LUZP2: variants seen among roughly 807,000 people sequenced by gnomAD.
LUZP2 encodes the protein leucine zipper protein 2.
In LUZP2, 52 loss-of-function variants were observed where a neutral mutation model predicts 51.6. That is an observed-to-expected ratio of 1.01 (90% confidence interval 0.81 to 1.27). The LOEUF is 1.27. Ranked by LOEUF, LUZP2 falls within the 50% of genes most tolerant of loss-of-function variation. The pLI is 0.00. For missense variants in LUZP2, 436 were observed against 395.4 expected, an observed-to-expected ratio of 1.10 and a Z score of -0.87; for synonymous variants, 154 against 137.3, an observed-to-expected ratio of 1.12 and a Z score of -0.85.
At chr11:24,546,002 C>T (rs773140743) in intron 1 of LUZP2, among the ~76,000 whole-genome samples, 17 of 151,828 alleles carry the variant, frequency 1.1e-4, no homozygotes, top group Admixed American at 3.3e-4. Flanking sequence ...TTTCACGTCC[C>T]TGGTTAGCTG....
intron 7 of LUZP2, among the ~76,000 whole-genome samples, chr11:24,919,602 A>G (rs1302135601): frequency 6.8e-6 from 1 of 146,272 alleles, no homozygotes; most frequent in Non-Finnish European, 1.5e-5. Flanking sequence ...TTTTAATTTT[A>G]TGTAGATATA....
At chr11:24,670,045 A>G (rs1200036785) in intron 1 of LUZP2, among the ~76,000 whole-genome samples, 3 of 152,116 alleles carry the variant, frequency 2.0e-5, no homozygotes, top group Admixed American at 6.6e-5. Context: ...TTTCCGATGA[A>G]TAACTTCAGG....
At chr11:24,661,939 AC>A (rs1285800493) in intron 1 of LUZP2, among the ~76,000 whole-genome samples, 1 of 152,122 alleles carries the variant, frequency 6.6e-6, no homozygotes, top group Non-Finnish European at 1.5e-5. Flanking sequence ...CTCAGAGAAA[AC>A]CTTAATTTAT....
chr11:24,671,876 G>C (rs1438720039), intron 1 of LUZP2, among the ~76,000 whole-genome samples: 1 of 151,822 alleles, frequency 6.6e-6, no homozygotes, highest in Non-Finnish European at 1.5e-5. Flanking sequence ...TTTTAATTTA[G>C]TTTTCAAAGT....
At chr11:24,923,807 A>G (rs1373286325) in intron 7 of LUZP2, among the ~76,000 whole-genome samples, 1 of 152,136 alleles carries the variant, frequency 6.6e-6, no homozygotes, top group Non-Finnish European at 1.5e-5. Context: ...AATGTAAATG[A>G]ATAGCTTATT....
intron 1 of LUZP2, among the ~76,000 whole-genome samples, chr11:24,590,029 A>G (rs769500993): frequency 2.0e-5 from 3 of 152,128 alleles, no homozygotes; most frequent in Admixed American, 1.3e-4. Flanking sequence ...TGCATTTAAA[A>G]TTGTTCTATT....
rs200192233 is a variant in LUZP2 at position 24,998,233 on chromosome 11, C to T, written c.765+14940C>T. ...GGCAGTATGGCCATTTTCACGATATCGATTCTTCCTACCCATGAGCATGGA... is the reference window on the plus strand; with the variant it reads ...GGCAGTATGGCCATTTTCACGATATTGATTCTTCCTACCCATGAGCATGGA... On this transcript the variant is annotated intron_variant, in intron 9 of 11. Coordinates refer to ENST00000336930, the MANE Select transcript of LUZP2 (RefSeq NM_001009909.4). Among the ~76,000 whole-genome samples, 1,056 of 152,096 alleles carry T rather than the reference C, an allele frequency of 6.9e-3. 29 individuals carry two copies. The East Asian group carries it at 0.092, about 13-fold the overall frequency.
At chr11:25,034,198 A>C (rs968332105) in intron 9 of LUZP2, among the ~76,000 whole-genome samples, 1 of 151,942 alleles carries the variant, frequency 6.6e-6, no homozygotes, top group African/African-American at 2.4e-5. Flanking sequence ...CATTTTTTTC[A>C]TATGTTTGTT....
chr11:24,849,759 C>T (rs778676937), intron 5 of LUZP2, among the ~76,000 whole-genome samples: 73 of 152,242 alleles, frequency 4.8e-4, no homozygotes, highest in Non-Finnish European at 8.2e-4. Context: ...AAAAGCGATC[C>T]TATTTCTCCA....
At chr11:24,849,162 G>A (rs2716524) in intron 5 of LUZP2, among the ~76,000 whole-genome samples, 23,070 of 151,972 alleles carry the variant, frequency 0.15, 1,913 homozygotes, top group African/African-American at 0.2. Context: ...TTAAGTTCTG[G>A]TATATATGTG....
chr11:24,861,367 TAGGAAATGTAAGGATGTAAGAATGTA>T (rs1398352986), intron 5 of LUZP2, among the ~76,000 whole-genome samples: 1 of 152,066 alleles, frequency 6.6e-6, no homozygotes, highest in African/African-American at 2.4e-5. Context: ...GTAAACAAGC[TAGGAAATGTAAGGATGTAAGAATGTA>T]AGGAAATGTA....
chr11:24,873,895 T>C (rs4922701), intron 5 of LUZP2, among the ~76,000 whole-genome samples: 62,070 of 152,016 alleles, frequency 0.41, 14,711 homozygotes, highest in East Asian at 0.65. Flanking sequence ...TTGTATAAAA[T>C]AGTAACTGTG....
rs1477892278 is a variant in LUZP2, at chr11:24,511,504, GAGATAGGGAC to G, written c.62+14213_62+14222del. On this transcript the variant is annotated intron_variant, in intron 1 of 11. Transcript: ENST00000336930. ...TTTACATCAGTTGGATATTTGCTAG[GAGATAGGGAC>G]AGATAGGGACAGAACTAGGGAATAG... Among the ~76,000 whole-genome samples the G allele has an allele frequency of 2.0e-5, 3 of 152,122 alleles. No individual in the cohort carries two copies. The East Asian group carries it at 5.8e-4, about 29-fold the overall frequency.
chr11:24,918,716 A>C (rs1434302973), intron 7 of LUZP2, among the ~76,000 whole-genome samples: 1 of 151,296 alleles, frequency 6.6e-6, no homozygotes, highest in South Asian at 2.1e-4. Context: ...GCCAAACTTA[A>C]AATCCCGTCA....
At chr11:24,847,340 C>T (rs117075844) in intron 5 of LUZP2, among the ~76,000 whole-genome samples, 3,228 of 152,134 alleles carry the variant, frequency 0.021, 61 homozygotes, top group Non-Finnish European at 0.028. Flanking sequence ...TAGTTTTCTT[C>T]GGTACTGAGT....
rs1407567566 is a variant in LUZP2, at chr11:24,611,607, C to T, written c.62+114302C>T. On this transcript the variant is annotated intron_variant, in intron 1 of 11. Transcript: ENST00000336930. This position sits in a 1 kb window ranked among gnomAD's most constrained non-coding sequence, Gnocchi z 4.6. ...GAAAGTAAAAATGGAACTTACGAGACTATGGAGATGGTTTTCTTCATCATA... is the reference window on the plus strand; with the variant it reads ...GAAAGTAAAAATGGAACTTACGAGATTATGGAGATGGTTTTCTTCATCATA... Among the ~76,000 whole-genome samples, 2 of 152,068 alleles carry T rather than the reference C, an allele frequency of 1.3e-5. No homozygotes were observed. The highest frequency in any genetic ancestry group is 6.6e-5 in the Admixed American group (1 of 15,244).
At chr11:24,897,426 C>T (rs552426897) in intron 5 of LUZP2, among the ~76,000 whole-genome samples, 1 of 152,302 alleles carries the variant, frequency 6.6e-6, no homozygotes, top group Admixed American at 6.5e-5. Context: ...TTGCGAAGGT[C>T]CACAGCTTAA....
At chr11:24,556,218 G>C (rs992403134) in intron 1 of LUZP2, among the ~76,000 whole-genome samples, 4 of 152,094 alleles carry the variant, frequency 2.6e-5, no homozygotes, top group African/African-American at 9.7e-5. Flanking sequence ...GGGAAATAAT[G>C]CTTCATTGTA....
At chr11:24,607,341 C>A (rs1417774437) in intron 1 of LUZP2, among the ~76,000 whole-genome samples, 3 of 63,416 alleles carry the variant, frequency 4.7e-5, no homozygotes, top group Non-Finnish European at 9.3e-5. Flanking sequence ...GATATTATGT[C>A]TTTTTTTTTT....
Sources: allele counts gnomAD v4.1 joint callset (sites outside exome capture counted in the v4.1 genomes callset), GRCh38; gene constraint gnomAD v4.1.1; non-coding constraint Gnocchi (gnomAD v3.1); transcripts MANE v1.5; gene names NCBI Gene and HGNC (gene_info 2026-07-23, HGNC 2026-07-21).